AOAH: variants seen among roughly 807,000 people sequenced by gnomAD.
AOAH encodes acyloxyacyl hydrolase (neutrophil).
In AOAH, 64 loss-of-function variants were observed where a neutral mutation model predicts 92.2. The ratio of observed to expected loss-of-function variants is 0.69; its 90% CI spans 0.57 to 0.86. The LOEUF (loss-of-function observed/expected upper bound fraction) is 0.86, where lower values mean the gene tolerates loss of function less well. Ranked by LOEUF, AOAH falls within the 40% of genes least tolerant of loss-of-function variation. The probability of loss-of-function intolerance (pLI) is 0.00; values close to 1 mark genes in which losing one functional copy is unlikely to be tolerated. For synonymous variants in AOAH, 263 were observed against 254.5 expected, an observed-to-expected ratio of 1.03 and a Z score of -0.32; for missense variants, 656 against 694.6, an observed-to-expected ratio of 0.94 and a Z score of 0.62.
chr7:36,671,534 G>T (rs1196376618), intron 3 of AOAH, among the ~76,000 whole-genome samples: 1 of 152,170 alleles, frequency 6.6e-6, no homozygotes, highest in Non-Finnish European at 1.5e-5. Flanking sequence ...CTTGCACAGG[G>T]TATTAGGAAA....
At position 36,516,276 on chromosome 7, in the gene AOAH, CAT is replaced by C. The variant is rs935386817; in HGVS notation, c.1600-2898_1600-2897del. 3.3e-5 allele frequency among the ~76,000 whole-genome samples: 5 copies of C among 150,276 alleles called. No homozygotes were observed. Among genetic ancestry groups the C allele is most frequent in the African/African-American group, 9.8e-5 (4 of 40,870 alleles). ...ACCACATGCACACTCACCACATACA[CAT>C]ATAACATACACACACCCCCCCACAC... On this transcript the variant is annotated intron_variant, in intron 20 of 20. Coordinates refer to ENST00000617537, the MANE Select transcript of AOAH (RefSeq NM_001637.4). This position sits in a 1 kb window ranked among gnomAD's most constrained non-coding sequence, Gnocchi z 5.0.
At chr7:36,527,193 G>GT (rs1175188682) in intron 19 of AOAH, among the ~76,000 whole-genome samples, 1 of 152,180 alleles carries the variant, frequency 6.6e-6, no homozygotes, top group Non-Finnish European at 1.5e-5. Context: ...ATCTTTCAGT[G>GT]CTGGACTGAG....
At chr7:36,634,232 A>T (rs1793358821) in intron 5 of AOAH, among the ~76,000 whole-genome samples, 1 of 152,178 alleles carries the variant, frequency 6.6e-6, no homozygotes, top group East Asian at 1.9e-4. Flanking sequence ...CCAAAGAAAG[A>T]AACAGTAAAA....
chr7:36,643,951 G>A (rs1191022297), intron 4 of AOAH, among the ~76,000 whole-genome samples: 1 of 152,174 alleles, frequency 6.6e-6, no homozygotes, highest in Non-Finnish European at 1.5e-5. Flanking sequence ...GCAGAATTAT[G>A]AGCCAATTAA....
chr7:36,588,890 AG>A (rs1438633377), intron 12 of AOAH, among the ~76,000 whole-genome samples: 1 of 152,220 alleles, frequency 6.6e-6, no homozygotes, highest in Non-Finnish European at 1.5e-5. Flanking sequence ...CTGGAGGCAG[AG>A]GGAGCAACAT....
At position 36,614,319 on chromosome 7, in the gene AOAH, C is replaced by G. The variant is rs1791693807; in HGVS notation, c.846+2061G>C. ...GCTATTCCCTGTGCAGTGCATCAGACCCGGGCAGGGCTTTATGTGTGTGCA... is the reference window on the plus strand; with the variant it reads ...GCTATTCCCTGTGCAGTGCATCAGAGCCGGGCAGGGCTTTATGTGTGTGCA... On this transcript the variant is annotated intron_variant, in intron 11 of 20. Transcript: ENST00000617537. This position sits in a 1 kb window ranked among gnomAD's most constrained non-coding sequence, Gnocchi z 4.2. Among the ~76,000 whole-genome samples, 1 of 152,142 alleles carries G rather than the reference C, an allele frequency of 6.6e-6. No individual in the cohort carries two copies. Among genetic ancestry groups the G allele is most frequent in the Non-Finnish European group, 1.5e-5 (1 of 68,036 alleles).
At chr7:36,513,472 C>T in intron 20 of AOAH, 92 bp from the exon 21 acceptor site, 1 of 1,336,540 alleles carries the variant, frequency 7.5e-7, no homozygotes. Context: ...CCAGAGACAG[C>T]CTCTAGGATG....
chr7:36,628,635 C>T (rs1792848403), intron 6 of AOAH, among the ~76,000 whole-genome samples: 1 of 152,108 alleles, frequency 6.6e-6, no homozygotes, highest in South Asian at 2.1e-4. Flanking sequence ...GAGGGCTGTG[C>T]AAGCGACTGA....
chr7:36,658,189 G>T (rs1173961840), intron 4 of AOAH, among the ~76,000 whole-genome samples: 2 of 152,126 alleles, frequency 1.3e-5, no homozygotes, highest in Non-Finnish European at 2.9e-5. Context: ...TCCTCAGGTA[G>T]TTGCATCTCT....
chr7:36,578,750 G>A (rs1788709469), intron 12 of AOAH, among the ~76,000 whole-genome samples: 1 of 152,090 alleles, frequency 6.6e-6, no homozygotes, highest in Admixed American at 6.5e-5. Context: ...TTTTATTTCT[G>A]TAGAGTTAAT....
rs1234694893 is a variant in AOAH at position 36,618,281 on chromosome 7, C to T, written c.751+16G>A. ...ATATCTATCATTATAACCACAATGA[C>T]ATCCACAATTCATACCTTCACAGAA... On this transcript the variant is annotated intron_variant, in intron 10 of 20. Transcript: ENST00000617537. 1 of 1,608,424 alleles carries T rather than the reference C, an allele frequency of 6.2e-7. No individual in the cohort carries two copies. The highest frequency in any genetic ancestry group is 8.5e-7 in the Non-Finnish European group (1 of 1,175,036).
rs1446327517 is a variant in AOAH at position 36,530,463 on chromosome 7, A to C, written c.1477T>G (p.Phe493Val). The change falls in exon 19 of 21, where the codon TTT (phenylalanine) becomes GTT (valine). Residue 493 changes from phenylalanine to valine, a missense_variant. Coordinates refer to ENST00000617537, the MANE Select transcript of AOAH (RefSeq NM_001637.4). Reference protein sequence around the residue: ...TLKKIAASEKFTNFNLFYMDF... With the variant: ...TLKKIAASEKVTNFNLFYMDF... ...ATGTAGAAAAGATTGAAGTTTGTAA[A>C]TTTCTCACTGGCTGCAATTTTTTTC... The C allele has an allele frequency of 6.2e-7, 1 of 1,614,010 alleles. No homozygotes were observed. The highest frequency in any genetic ancestry group is 2.2e-5 in the East Asian group (1 of 44,882).
At chr7:36,659,088 G>T in intron 4 of AOAH, 78 bp downstream of exon 4, 2 of 1,217,698 alleles carry the variant, frequency 1.6e-6, no homozygotes, top group Non-Finnish European at 2.4e-6. Flanking sequence ...GCGAGTAAAA[G>T]CTAAGCCTCC....
chr7:36,700,704 GTGGGATT>G (rs1405487584), intron 1 of AOAH, among the ~76,000 whole-genome samples: 1 of 152,008 alleles, frequency 6.6e-6, no homozygotes, highest in African/African-American at 2.4e-5. Flanking sequence ...ATGCCCAGTA[GTGGGATT>G]GATGGTTTGA....
At chr7:36,603,437 C>G (rs1306239662) in intron 11 of AOAH, among the ~76,000 whole-genome samples, 3 of 152,310 alleles carry the variant, frequency 2.0e-5, no homozygotes, top group African/African-American at 7.2e-5. Context: ...CAGAGCCTTC[C>G]TCGCCTGCCC....
chr7:36,709,812 G>T (rs1798647203), intron 1 of AOAH, among the ~76,000 whole-genome samples: 1 of 151,952 alleles, frequency 6.6e-6, no homozygotes, highest in South Asian at 2.1e-4. Flanking sequence ...TCCAGAGTGT[G>T]AAATCCATGA....
intron 1 of AOAH, among the ~76,000 whole-genome samples, chr7:36,704,301 T>C (rs1021966441): frequency 6.6e-6 from 1 of 152,186 alleles, no homozygotes; most frequent in Non-Finnish European, 1.5e-5. Context: ...ATTCTGTAGG[T>C]TGCCTGTTCA....
chr7:36,689,311 T>C (rs1797244790), intron 1 of AOAH, among the ~76,000 whole-genome samples: 1 of 152,192 alleles, frequency 6.6e-6, no homozygotes, highest in Non-Finnish European at 1.5e-5. Context: ...TGTATGTTAG[T>C]CTGTTCATGC....
intron 1 of AOAH, among the ~76,000 whole-genome samples, chr7:36,710,784 C>T (rs1251902419): frequency 6.6e-6 from 1 of 152,074 alleles, no homozygotes; most frequent in Non-Finnish European, 1.5e-5. Context: ...GACTTTTTGC[C>T]TTACAATAGG....
Sources: gnomAD v4.1 joint callset for allele counts (sites outside exome capture counted in the v4.1 genomes callset) on GRCh38, gnomAD v4.1.1 for gene constraint, Gnocchi (gnomAD v3.1) non-coding constraint, MANE v1.5 for transcripts, NCBI Gene and HGNC (gene_info 2026-07-23, HGNC 2026-07-21) for gene names.